Variants in LPP observed in about 807,000 individuals in gnomAD.
LPP encodes lipoma-preferred partner.
Under a neutral mutation model 60.4 loss-of-function variants are expected in LPP, and 38 were observed. The ratio of observed to expected loss-of-function variants is 0.63; its 90% confidence interval spans 0.49 to 0.83. The LOEUF (loss-of-function observed/expected upper bound fraction) is 0.83, where lower values mean the gene tolerates loss of function less well. Among genes scored for constraint, LPP ranks in the 40% least tolerant of loss-of-function variants. The pLI, the probability that LPP is intolerant of heterozygous loss-of-function variation, is 0.00. For synonymous variants in LPP, 328 were observed against 290.8 expected, an observed-to-expected ratio of 1.13 and a Z score of -1.30; for missense variants, 902 against 783.6, an observed-to-expected ratio of 1.15 and a Z score of -1.80.
intron 4 of LPP, among the ~76,000 whole-genome samples, chr3:188,424,860 T>C (rs545473585): frequency 1.7e-4 from 26 of 152,310 alleles, no homozygotes; most frequent in African/African-American, 5.8e-4. Context: ...ATTTTGGGAT[T>C]TTCTAAATAT....
In LPP at chr3:188,572,685, G is replaced by T; in HGVS notation, c.430-36476G>T. Among the ~76,000 whole-genome samples, 1 of 152,024 alleles carries T rather than the reference G, an allele frequency of 6.6e-6. No homozygotes were observed. Among genetic ancestry groups the T allele is most frequent in the East Asian group, 1.9e-4 (1 of 5,176 alleles). On this transcript the variant is annotated intron_variant, in intron 6 of 11. Coordinates refer to ENST00000617246, the MANE Select transcript of LPP (RefSeq NM_001375462.1). The surrounding 1 kb of genome is among the most constrained non-coding windows in gnomAD (Gnocchi z 4.1). ...ATGAGGATTAAATTGAATGATAGGGGTGTAAGCACTTTGTAAATCCAAGTA... is the reference window on the plus strand; with the variant it reads ...ATGAGGATTAAATTGAATGATAGGGTTGTAAGCACTTTGTAAATCCAAGTA...
intron 9 of LPP, among the ~76,000 whole-genome samples, chr3:188,784,263 T>A (rs1266632660): frequency 6.6e-6 from 1 of 150,538 alleles, no homozygotes; most frequent in Admixed American, 6.7e-5. Context: ...TTCATTCATT[T>A]TTATGGCTGA....
In LPP at chr3:188,609,570, G is replaced by A. The variant is rs1440811918; in HGVS notation, c.839G>A (p.Gly280Glu). Residue 280 changes from glycine to glutamate, a missense_variant, in exon 7 of 12, where the codon GGA becomes GAA. Physicochemically the swap from Gly to Glu is moderately conservative, Grantham distance 98. Transcript: ENST00000617246. The surrounding 1 kb of genome is among the most constrained non-coding windows in gnomAD (Gnocchi z 6.9). ...GMDYAYIPPP[G>E]LQPEPGYGYA... is the part of the protein sequence containing the mutation. ...GATTATGCCTACATTCCACCACCAG[G>A]ACTTCAGCCGGAGCCTGGGTATGGG... 2 of 1,614,020 alleles carry A rather than the reference G, an allele frequency of 1.2e-6. No individual in the cohort carries two copies. The highest frequency in any genetic ancestry group is 1.3e-5 in the African/African-American group (1 of 74,900).
chr3:188,861,342 T>C (rs1765153771), intron 9 of LPP, among the ~76,000 whole-genome samples: 1 of 152,202 alleles, frequency 6.6e-6, no homozygotes, highest in Non-Finnish European at 1.5e-5. Flanking sequence ...GAGTCTTTCC[T>C]GTTTCACGAT....
intron 6 of LPP, among the ~76,000 whole-genome samples, chr3:188,551,869 T>G (rs1248361069): frequency 2.6e-5 from 4 of 152,122 alleles, no homozygotes; most frequent in African/African-American, 9.7e-5. Context: ...CAGCTTAGCT[T>G]TATCTTCAGA....
intron 2 of LPP, among the ~76,000 whole-genome samples, chr3:188,277,824 A>T (rs1022249738): frequency 5.9e-5 from 9 of 152,160 alleles, no homozygotes; most frequent in Non-Finnish European, 1.3e-4. Context: ...GATCATGCTG[A>T]CCACAGATTT....
chr3:188,601,329 C>A (rs758722932), intron 6 of LPP, among the ~76,000 whole-genome samples: 1 of 152,094 alleles, frequency 6.6e-6, no homozygotes, highest in African/African-American at 2.4e-5. Context: ...CATTTATGCT[C>A]TCTGGTCATT....
chr3:188,741,320 A>G (rs1394236310), intron 8 of LPP, among the ~76,000 whole-genome samples: 2 of 151,938 alleles, frequency 1.3e-5, no homozygotes, highest in African/African-American at 4.8e-5. Flanking sequence ...GTACTCCGCT[A>G]TCTTGGTTGC....
At chr3:188,584,448 G>A (rs1452838847) in intron 6 of LPP, 1 of 152,074 alleles carries the variant, frequency 6.6e-6, no homozygotes, top group Non-Finnish European at 1.5e-5. Context: ...TCTCTGATAA[G>A]AGAAAGAATT....
At chr3:188,262,618 ATCTC>A (rs746540948) in intron 2 of LPP, among the ~76,000 whole-genome samples, 13 of 149,394 alleles carry the variant, frequency 8.7e-5, no homozygotes, top group Non-Finnish European at 1.3e-4. Context: ...ACACCCCCTC[ATCTC>A]TCTCTCTCTC....
intron 9 of LPP, among the ~76,000 whole-genome samples, chr3:188,777,325 C>T (rs528358808): frequency 2.4e-4 from 37 of 151,414 alleles, no homozygotes; most frequent in African/African-American, 7.8e-4. Flanking sequence ...GTCTAAGTTG[C>T]CTGCCTAAAT....
intron 7 of LPP, among the ~76,000 whole-genome samples, chr3:188,619,284 C>T (rs1560653126): frequency 6.6e-6 from 1 of 152,206 alleles, no homozygotes; most frequent in South Asian, 2.1e-4. Context: ...CTTGGCCTCC[C>T]AAAGTGTTGG....
At chr3:188,724,206 A>G (rs967286881) in intron 8 of LPP, among the ~76,000 whole-genome samples, 5 of 152,322 alleles carry the variant, frequency 3.3e-5, no homozygotes, top group Admixed American at 6.5e-5. Flanking sequence ...AGATGAGTTA[A>G]ATAATTTTCC....
chr3:188,310,217 C>CTTT (rs556392757), intron 2 of LPP, among the ~76,000 whole-genome samples: 5 of 133,652 alleles, frequency 3.7e-5, no homozygotes, highest in South Asian at 2.4e-4. Flanking sequence ...AGTTGTCTTT[C>CTTT]TTTTTTTTTT....
intron 9 of LPP, among the ~76,000 whole-genome samples, chr3:188,777,396 A>T (rs1032946282): frequency 6.6e-6 from 1 of 152,104 alleles, no homozygotes; most frequent in Admixed American, 6.6e-5. Context: ...TGTATTTCAA[A>T]TATTGTAGTG....
At chr3:188,624,898 ATTCCTTCCTTCTTTCCTCCC>A (rs1422867956) in intron 7 of LPP, among the ~76,000 whole-genome samples, 1 of 145,954 alleles carries the variant, frequency 6.9e-6, no homozygotes, top group African/African-American at 2.5e-5. Context: ...CCCTTCCTTC[ATTCCTTCCTTCTTTCCTCCC>A]TTCCTTCCTT....
Position 188,513,540 on chromosome 3 carries a change from T to C in LPP, c.307-11125T>C, listed in dbSNP as rs142035171. Among the ~76,000 whole-genome samples, 75 of 152,082 alleles carry C rather than the reference T, an allele frequency of 4.9e-4. No homozygotes were observed. The East Asian group carries it at 0.012, about 25-fold the overall frequency. ...ATTCTTAGAGTTCCTGTTTTATTGA[T>C]GAATAGATAATATATGTATTGTTCC... On this transcript the variant is annotated intron_variant, in intron 5 of 11. Coordinates refer to ENST00000617246, the MANE Select transcript of LPP (RefSeq NM_001375462.1).
chr3:188,626,820 C>T (rs1846930978), intron 7 of LPP, among the ~76,000 whole-genome samples: 1 of 152,052 alleles, frequency 6.6e-6, no homozygotes, highest in Non-Finnish European at 1.5e-5. Flanking sequence ...AGACATGACT[C>T]AGCTCATAAC....
intron 1 of LPP, among the ~76,000 whole-genome samples, chr3:188,216,292 G>A (rs868638708): frequency 3.4e-5 from 2 of 59,344 alleles, no homozygotes; most frequent in Admixed American, 4.5e-4. Flanking sequence ...TTTTTTTTTT[G>A]ATGGAGTCTC....
Sources: allele counts gnomAD v4.1 joint callset (sites outside exome capture counted in the v4.1 genomes callset), GRCh38; gene constraint gnomAD v4.1.1; non-coding constraint Gnocchi (gnomAD v3.1); transcripts MANE v1.5; gene names NCBI Gene and HGNC (gene_info 2026-07-23, HGNC 2026-07-21).